METTL25: variants seen among roughly 807,000 people sequenced by gnomAD.
METTL25 encodes the protein methyltransferase like 25, also known as probable methyltransferase-like protein 25.
METTL25 carries 64 observed loss-of-function variants against 71.6 expected under a neutral mutation model. The ratio of observed to expected loss-of-function variants is 0.89; its 90% confidence interval spans 0.73 to 1.10. The LOEUF (loss-of-function observed/expected upper bound fraction) is 1.10. Ranked by LOEUF, METTL25 falls within the 50% of genes least tolerant of loss-of-function variation. The pLI, the probability that METTL25 is intolerant of heterozygous loss-of-function variation, is 0.00. For synonymous variants in METTL25, 287 were observed against 250.3 expected (o/e 1.15, Z -1.38); for missense variants, 807 against 707.0 (o/e 1.14, Z -1.60).
At chr12:82,368,464 C>A (rs2136835419) in intron 1 of METTL25, among the ~76,000 whole-genome samples, 1 of 152,244 alleles carries the variant, frequency 6.6e-6, no homozygotes, top group South Asian at 2.1e-4. Context: ...AGACAGCTTT[C>A]TTTTGGGGGA....
At chr12:82,359,645 C>A (rs553025896) in intron 1 of METTL25, among the ~76,000 whole-genome samples, 13 of 152,204 alleles carry the variant, frequency 8.5e-5, no homozygotes, top group Non-Finnish European at 1.6e-4. Context: ...GTCACTATTT[C>A]ATTTAAAAAC....
intron 4 of METTL25, 84 bp from the exon 5 acceptor site, chr12:82,402,899 G>A: frequency 9.9e-7 from 1 of 1,015,042 alleles, no homozygotes; most frequent in African/African-American, 1.6e-5. Flanking sequence ...AACATTGCAA[G>A]ATCCTGTATG....
chr12:82,427,559 A>G lies in METTL25; in HGVS notation c.1280-3334A>G, dbSNP rs951453557. Among the ~76,000 whole-genome samples the G allele has an allele frequency of 2.6e-5, 4 of 151,934 alleles. No homozygotes were observed. The East Asian group carries it at 5.8e-4, about 22-fold the overall frequency. On this transcript the variant is annotated intron_variant, in intron 5 of 11. Transcript: ENST00000248306. The stretch of plus-strand genomic sequence containing the variant: ...AGACCTCTCTGCCTGGAGAGTAACT[A>G]TATCCCACTGGAAGCTCAGTTTTTA...
At chr12:82,431,829 C>A (rs151138017) in intron 6 of METTL25, among the ~76,000 whole-genome samples, 30 of 151,694 alleles carry the variant, frequency 2.0e-4, no homozygotes, top group African/African-American at 7.0e-4. Context: ...TAAATGTGGT[C>A]AGAACACTTA....
intron 9 of METTL25, among the ~76,000 whole-genome samples, chr12:82,461,143 C>CA (rs1160356024): frequency 2.0e-5 from 3 of 151,362 alleles, no homozygotes; most frequent in African/African-American, 7.3e-5. Context: ...ACTCCGTCTC[C>CA]AAAAAAATAT....
intron 1 of METTL25, among the ~76,000 whole-genome samples, chr12:82,385,635 A>G (rs1884916486): frequency 6.6e-6 from 1 of 152,204 alleles, no homozygotes. Context: ...AAAAATGGCC[A>G]TAGAACAATG....
chr12:82,402,951 C>A, intron 4 of METTL25, 32 bp from the exon 5 acceptor site: 1 of 1,535,882 alleles, frequency 6.5e-7, no homozygotes, highest in Non-Finnish European at 8.8e-7. Context: ...TTTTTAATTA[C>A]CAAATTTTAT....
chr12:82,445,386 TATTAA>T (rs143791329), intron 8 of METTL25, among the ~76,000 whole-genome samples: 4 of 152,176 alleles, frequency 2.6e-5, no homozygotes, highest in South Asian at 2.1e-4. Flanking sequence ...AAGTATGAAA[TATTAA>T]ATTATAACCA....
intron 1 of METTL25, among the ~76,000 whole-genome samples, chr12:82,379,941 T>C (rs1884262825): frequency 6.6e-6 from 1 of 152,138 alleles, no homozygotes; most frequent in African/African-American, 2.4e-5. Context: ...AAAAGCTAAG[T>C]GTGCATATTG....
chr12:82,393,329 G>T (rs1481281152), intron 3 of METTL25, among the ~76,000 whole-genome samples: 1 of 151,882 alleles, frequency 6.6e-6, no homozygotes, highest in Non-Finnish European at 1.5e-5. Context: ...AATTTTCACT[G>T]TTGAGATCTT....
intron 1 of METTL25, among the ~76,000 whole-genome samples, chr12:82,379,292 T>C (rs769657878): frequency 2.6e-5 from 4 of 152,196 alleles, no homozygotes; most frequent in African/African-American, 7.2e-5. Flanking sequence ...GAGGTTGATA[T>C]CAATTCAAAG....
intron 5 of METTL25, among the ~76,000 whole-genome samples, chr12:82,407,391 T>C (rs1422627474): frequency 1.3e-5 from 2 of 152,092 alleles, no homozygotes; most frequent in Non-Finnish European, 2.9e-5. Context: ...AGAAAAAGTG[T>C]TGGAAAGGTT....
chr12:82,453,734 A>G (rs145385257), intron 8 of METTL25, among the ~76,000 whole-genome samples: 1 of 152,270 alleles, frequency 6.6e-6, no homozygotes, highest in East Asian at 1.9e-4. Flanking sequence ...TTATACTTGA[A>G]TACAATAGAT....
intron 1 of METTL25, among the ~76,000 whole-genome samples, chr12:82,368,886 T>G (rs1042749876): frequency 6.6e-6 from 1 of 152,210 alleles, no homozygotes; most frequent in Non-Finnish European, 1.5e-5. Flanking sequence ...TGATCAACTT[T>G]GATTATGAAG....
chr12:82,426,850 C>G lies in METTL25; in HGVS notation c.1280-4043C>G, dbSNP rs1157953339. Reference sequence around the variant, plus strand: ...GAAATCAGTTGGGAAGCCCAGAACTCTGTTCCCATGGAAAAATTTTCACCC... The same window carrying G: ...GAAATCAGTTGGGAAGCCCAGAACTGTGTTCCCATGGAAAAATTTTCACCC... On this transcript the variant is annotated intron_variant, in intron 5 of 11. Coordinates refer to ENST00000248306, the MANE Select transcript of METTL25 (RefSeq NM_032230.3). Among the ~76,000 whole-genome samples the G allele has an allele frequency of 3.3e-5, 5 of 152,056 alleles. No individual in the cohort carries two copies. The East Asian group carries it at 9.8e-4, about 30-fold the overall frequency.
chr12:82,450,008 CTCT>C (rs1262080718), intron 8 of METTL25, among the ~76,000 whole-genome samples: 1 of 152,124 alleles, frequency 6.6e-6, no homozygotes, highest in Non-Finnish European at 1.5e-5. Context: ...ATTCTCAGTC[CTCT>C]TCTTACTTTG....
chr12:82,367,391 T>G (rs1026704871), intron 1 of METTL25, among the ~76,000 whole-genome samples: 1 of 152,238 alleles, frequency 6.6e-6, no homozygotes, highest in African/African-American at 2.4e-5. Context: ...TTCTACATGA[T>G]TTCATGCCTT....
intron 9 of METTL25, among the ~76,000 whole-genome samples, chr12:82,462,565 T>A (rs1337860297): frequency 6.6e-6 from 1 of 152,198 alleles, no homozygotes; most frequent in Admixed American, 6.5e-5. Context: ...CATCTATCTT[T>A]AAGGTGTATA....
rs1163599521 is a variant in METTL25 at position 82,358,539 on chromosome 12, C to T, written c.-27C>T. 6 of 1,603,334 alleles carry T rather than the reference C, an allele frequency of 3.7e-6. No homozygotes were observed. The highest frequency in any genetic ancestry group is 1.7e-5 in the Admixed American group (1 of 59,864). ...TGGCGCCTCACGGCCATGTTTGCGC[C>T]ACCTACAGCCTCGGAGGGTGAGCGT... On this transcript the variant is annotated 5_prime_UTR_variant, in exon 1 of 12. Coordinates refer to ENST00000248306, the MANE Select transcript of METTL25 (RefSeq NM_032230.3).
Sources: allele counts gnomAD v4.1 joint callset (sites outside exome capture counted in the v4.1 genomes callset), GRCh38; gene constraint gnomAD v4.1.1; transcripts MANE v1.5; gene names NCBI Gene and HGNC (gene_info 2026-07-23, HGNC 2026-07-21).